RSPH4A: variants seen among roughly 807,000 people sequenced by gnomAD.
RSPH4A encodes radial spoke head protein 4 homolog A.
In RSPH4A, 47 loss-of-function variants were observed where a neutral mutation model predicts 71.0. The observed-to-expected ratio is 0.66, with a 90% CI of 0.52 to 0.84. The LOEUF is 0.84. Among genes scored for constraint, RSPH4A ranks in the 40% least tolerant of loss-of-function variants. RSPH4A has a pLI of 0.00. For synonymous variants in RSPH4A, 282 were observed against 302.3 expected (o/e 0.93, Z 0.70); for missense variants, 793 against 855.2 (o/e 0.93, Z 0.91).
chr6:116,631,718 G>GGT (rs1271509825), intron 5 of RSPH4A, among the ~76,000 whole-genome samples: 1 of 152,176 alleles, frequency 6.6e-6, no homozygotes, highest in African/African-American at 2.4e-5. Flanking sequence ...TTCCCGTAAA[G>GGT]ACAGCAGTGC....
At chr6:116,626,423 G>A (rs1775694162) in intron 2 of RSPH4A, among the ~76,000 whole-genome samples, 1 of 151,834 alleles carries the variant, frequency 6.6e-6, no homozygotes, top group South Asian at 2.1e-4. Context: ...CTCACTACAA[G>A]CTCCACCTCC....
chr6:116,629,608 A>C lies in RSPH4A; in HGVS notation c.1704A>C (p.Glu568Asp). The C allele has an allele frequency of 1.2e-6, 2 of 1,612,498 alleles. No homozygotes were observed. The highest frequency in any genetic ancestry group is 1.7e-6 in the Non-Finnish European group (2 of 1,178,596). Residue 568 changes from glutamate to aspartate, a missense_variant, in exon 4 of 6, where the codon GAA becomes GAC. By Grantham distance (45) the Glu-to-Asp change is conservative. Transcript: ENST00000229554. ...NWFNSIQKNE[E>D]EEEEEDEEKD... ...TCAACTCCATACAAAAAAATGAGGA[A>C]GAAGAAGAGGAAGAAGATGAAGAAA...
rs755903721 is a variant in RSPH4A at position 116,629,567 on chromosome 6, G to A, written c.1663G>A (p.Gly555Ser). ...VHHVQHILSQGRCNWFNSIQK... is the reference protein window; with the variant it reads ...VHHVQHILSQSRCNWFNSIQK... ...TAAATCTTGCAACATTCATTCCCAG[G>A]GTCGCTGTAATTGGTTCAACTCCAT... Residue 555 changes from glycine (G) to serine (S), a missense_variant and splice_region_variant, in exon 4 of 6, where the codon GGT becomes AGT. Physicochemically the swap from Gly to Ser is moderately conservative, Grantham distance 56. Transcript: ENST00000229554. 1.2e-6 allele frequency: 2 copies of A among 1,612,780 alleles called. No homozygotes were observed. The highest frequency in any genetic ancestry group is 2.2e-5 in the South Asian group (2 of 91,038).
chr6:116,630,553 G>GTT lies in RSPH4A; in HGVS notation c.1916+2_1916+3insTT. ...GAGCATATGCCTTCTCCAATGGCAA[G>GTT]TAAGTATCTGACCACTTACAAAGCC... On this transcript the variant is annotated splice_donor_variant, in intron 5 of 5. Coordinates refer to ENST00000229554, the MANE Select transcript of RSPH4A (RefSeq NM_001010892.3). LOFTEE classifies it high-confidence loss of function. 2 of 1,358,254 alleles carry GTT rather than the reference G, an allele frequency of 1.5e-6. No homozygotes were observed. The highest frequency in any genetic ancestry group is 2.1e-6 in the Non-Finnish European group (2 of 954,496). 84.1% of individuals were successfully genotyped at this position (1,358,254 alleles called of 1,614,324 possible). A position where few individuals can be genotyped will look rare whatever the true frequency, so the allele number is the denominator to read the frequency against.
At chr6:116,626,900 T>C (rs1170772712) in intron 2 of RSPH4A, among the ~76,000 whole-genome samples, 1 of 152,108 alleles carries the variant, frequency 6.6e-6, no homozygotes, top group East Asian at 1.9e-4. Flanking sequence ...TTAATAAATG[T>C]TTATTATTTT....
At chr6:116,629,105 T>C (rs1213152929) in intron 3 of RSPH4A, among the ~76,000 whole-genome samples, 2 of 152,210 alleles carry the variant, frequency 1.3e-5, no homozygotes, top group Non-Finnish European at 2.9e-5. Context: ...CGTTATACTT[T>C]GATCTAGATA....
chr6:116,619,443 C>T (rs140743413), intron 1 of RSPH4A, among the ~76,000 whole-genome samples: 3 of 152,024 alleles, frequency 2.0e-5, no homozygotes, highest in East Asian at 1.9e-4. Flanking sequence ...AAATGAGAAG[C>T]GGTATGAGAC....
At position 116,617,274 on chromosome 6, in the gene RSPH4A, C is replaced by T. The variant is rs140811116; in HGVS notation, c.651C>T (p.Tyr217=). The T allele has an allele frequency of 1.4e-5, 23 of 1,613,112 alleles. No homozygotes were observed. The African/African-American group carries it at 2.9e-4, about 21-fold the overall frequency. ...TCACCATTCAGAATGCTAAGGCTTACCTGCTGAAGACTAGCAGCAATTCGG... is the reference window on the plus strand; with the variant it reads ...TCACCATTCAGAATGCTAAGGCTTATCTGCTGAAGACTAGCAGCAATTCGG... ...LEITIQNAKA[Y]LLKTSSNSGF... The change falls in exon 1 of 6, where the codon TAC becomes TAT. Residue 217 remains tyrosine, a synonymous_variant. Coordinates refer to ENST00000229554, the MANE Select transcript of RSPH4A (RefSeq NM_001010892.3).
chr6:116,625,447 A>T (rs1235028552), intron 2 of RSPH4A, among the ~76,000 whole-genome samples: 1 of 152,242 alleles, frequency 6.6e-6, no homozygotes, highest in Non-Finnish European at 1.5e-5. Flanking sequence ...TTGTGCATTG[A>T]TAAGTAACTT....
intron 1 of RSPH4A, among the ~76,000 whole-genome samples, chr6:116,621,405 T>C (rs1775605815): frequency 6.6e-6 from 1 of 152,134 alleles, no homozygotes; most frequent in Non-Finnish European, 1.5e-5. Flanking sequence ...AAACGAAAAA[T>C]ATAGCTTAGG....
intron 2 of RSPH4A, among the ~76,000 whole-genome samples, chr6:116,624,850 A>C (rs1562390577): frequency 6.6e-6 from 1 of 152,212 alleles, no homozygotes. Context: ...ACATGGGAAA[A>C]AGGCTTTTCT....
chr6:116,632,603 T>A lies in RSPH4A; in HGVS notation c.*162T>A. On this transcript the variant is annotated 3_prime_UTR_variant, in exon 6 of 6. Coordinates refer to ENST00000229554, the MANE Select transcript of RSPH4A (RefSeq NM_001010892.3). ...CTTGAAAATCAAGCTTGAAATTTCATAGGTAGAAATATTAGCATTTTTATT... is the reference window on the plus strand; with the variant it reads ...CTTGAAAATCAAGCTTGAAATTTCAAAGGTAGAAATATTAGCATTTTTATT... 1.1e-6 allele frequency: 1 copy of A among 896,436 alleles called. No individual in the cohort carries two copies. Among genetic ancestry groups the A allele is most frequent in the Non-Finnish European group, 1.6e-6 (1 of 609,090 alleles). 55.5% of individuals were successfully genotyped at this position (896,436 alleles called of 1,614,324 possible). A position where few individuals can be genotyped will look rare whatever the true frequency, so the allele number is the denominator to read the frequency against.
At chr6:116,629,470 C>T in intron 3 of RSPH4A, 97 bp from the exon 4 acceptor site, 1 of 1,214,688 alleles carries the variant, frequency 8.2e-7, no homozygotes, top group Non-Finnish European at 1.2e-6. Flanking sequence ...TGATTAAATT[C>T]CCACAGAGTT....
rs768423209 is a variant in RSPH4A at position 116,616,600 on chromosome 6, C to T, written c.-24C>T. On this transcript the variant is annotated 5_prime_UTR_variant, in exon 1 of 6. Coordinates refer to ENST00000229554, the MANE Select transcript of RSPH4A (RefSeq NM_001010892.3). ...ATTTTCACGCCCCTTTCATCCAGAA[C>T]ATTTTTTTTCTTGAACTGCTTCCAT... 1.9e-6 allele frequency: 3 copies of T among 1,589,834 alleles called. No homozygotes were observed. The highest frequency in any genetic ancestry group is 2.6e-6 in the Non-Finnish European group (3 of 1,164,028).
At chr6:116,628,395 A>G (rs374114320) in intron 3 of RSPH4A, 26 bp downstream of exon 3, 7 of 1,560,270 alleles carry the variant, frequency 4.5e-6, no homozygotes, top group African/African-American at 1.4e-5. Context: ...TTCTCAATCT[A>G]TCAGGTAATT....
rs1461296121 is a variant in RSPH4A at position 116,616,586 on chromosome 6, C to T, written c.-38C>T. 1.9e-6 allele frequency: 3 copies of T among 1,540,840 alleles called. No individual in the cohort carries two copies. Among genetic ancestry groups the T allele is most frequent in the South Asian group, 1.2e-5 (1 of 86,568 alleles). Reference sequence around the variant, plus strand: ...TTGCCTTCTTCCATATTTTCACGCCCCTTTCATCCAGAACATTTTTTTTCT... The same window carrying T: ...TTGCCTTCTTCCATATTTTCACGCCTCTTTCATCCAGAACATTTTTTTTCT... On this transcript the variant is annotated 5_prime_UTR_variant, in exon 1 of 6. Transcript: ENST00000229554.
intron 1 of RSPH4A, among the ~76,000 whole-genome samples, chr6:116,619,809 C>G (rs1207677537): frequency 6.6e-6 from 1 of 152,102 alleles, no homozygotes; most frequent in East Asian, 1.9e-4. Context: ...AGCTCTGCCT[C>G]CCAGGTTCAC....
intron 5 of RSPH4A, among the ~76,000 whole-genome samples, chr6:116,631,021 T>C (rs952957807): frequency 6.6e-6 from 1 of 151,836 alleles, no homozygotes; most frequent in Non-Finnish European, 1.5e-5. Context: ...CTTTGGCATA[T>C]TATGTGTGTG....
chr6:116,632,545 A>C lies in RSPH4A; in HGVS notation c.*104A>C. 2 of 1,379,176 alleles carry C rather than the reference A, an allele frequency of 1.5e-6. No individual in the cohort carries two copies. The highest frequency in any genetic ancestry group is 2.8e-5 in the South Asian group (2 of 72,096). 85.4% of individuals were successfully genotyped at this position (1,379,176 alleles called of 1,614,324 possible). A position where few individuals can be genotyped will look rare whatever the true frequency, so the allele number is the denominator to read the frequency against. Reference sequence around the variant, plus strand: ...GTGTTATGTGTGTATATACATACACATGTAAGAAATTATTCAACTGCAAAA... The same window carrying C: ...GTGTTATGTGTGTATATACATACACCTGTAAGAAATTATTCAACTGCAAAA... On this transcript the variant is annotated 3_prime_UTR_variant, in exon 6 of 6. Coordinates refer to ENST00000229554, the MANE Select transcript of RSPH4A (RefSeq NM_001010892.3).
Sources: allele counts gnomAD v4.1 joint callset (sites outside exome capture counted in the v4.1 genomes callset), GRCh38; gene constraint gnomAD v4.1.1; transcripts MANE v1.5; gene names NCBI Gene and HGNC (gene_info 2026-07-23, HGNC 2026-07-21).